The following GAS2L3 variants were observed in gnomAD, a reference collection of about 807,000 sequenced individuals.
The protein encoded by GAS2L3 is growth arrest specific 2 like 3, also known as GAS2-like protein 3.
In GAS2L3, 28 loss-of-function variants were observed where a neutral mutation model predicts 37.0. The observed-to-expected ratio is 0.76, with a 90% CI of 0.56 to 1.04. The LOEUF (loss-of-function observed/expected upper bound fraction) is 1.04. Ranked by LOEUF, GAS2L3 falls within the 50% of genes least tolerant of loss-of-function variation. The probability of loss-of-function intolerance (pLI) is 0.00; values close to 1 mark genes in which losing one functional copy is unlikely to be tolerated. For missense variants in GAS2L3, 793 were observed against 817.6 expected, an observed-to-expected ratio of 0.97 and a Z score of 0.37; for synonymous variants, 290 against 296.6, an observed-to-expected ratio of 0.98 and a Z score of 0.23.
At chr12:100,618,044 A>G (rs943428304) in intron 7 of GAS2L3, among the ~76,000 whole-genome samples, 2 of 152,118 alleles carry the variant, frequency 1.3e-5, no homozygotes, top group Non-Finnish European at 2.9e-5. Context: ...GGTTACTTAA[A>G]TTTTTTAGAT....
chr12:100,579,039 A>C, intron 1 of GAS2L3: 1 of 767,512 alleles, frequency 1.3e-6, no homozygotes, highest in Non-Finnish European at 2.4e-6. Context: ...GTCATGTATA[A>C]CCAGTCTATG....
In GAS2L3 at chr12:100,624,396, A is replaced by G; in HGVS notation, c.1591A>G (p.Thr531Ala). Residue 531 changes from threonine (T) to alanine (A), a missense_variant, in exon 10 of 10, where the codon ACG becomes GCG. Thr to Ala is a moderately conservative substitution (Grantham distance 58). Transcript: ENST00000547754. Reference protein sequence around the residue: ...MTKTSSKTIATGLGTQSQPSD... With the variant: ...MTKTSSKTIAAGLGTQSQPSD... ...AAAAACCAGTTCCAAAACCATAGCC[A>G]CGGGTCTAGGAACACAGTCTCAACC... The G allele has an allele frequency of 6.2e-7, 1 of 1,613,972 alleles. No individual in the cohort carries two copies. The highest frequency in any genetic ancestry group is 8.5e-7 in the Non-Finnish European group (1 of 1,180,002).
intron 1 of GAS2L3, among the ~76,000 whole-genome samples, chr12:100,577,643 T>A (rs1356391145): frequency 1.3e-5 from 2 of 152,244 alleles, no homozygotes; most frequent in East Asian, 3.8e-4. Context: ...TTAACTCTGA[T>A]TTCATAGTGA....
chr12:100,607,382 T>C (rs1205446342), intron 5 of GAS2L3, among the ~76,000 whole-genome samples: 1 of 152,134 alleles, frequency 6.6e-6, no homozygotes, highest in Non-Finnish European at 1.5e-5. Flanking sequence ...TGGGAGTTTA[T>C]TAAATGTCTT....
chr12:100,622,331 GTATT>G lies in GAS2L3; in HGVS notation c.709_712del (p.Ser238LysfsTer6). On this transcript the variant is annotated frameshift_variant, in exon 9 of 10. Coordinates refer to ENST00000547754, the MANE Select transcript of GAS2L3 (RefSeq NM_174942.3). LOFTEE classifies it low-confidence loss of function (END_TRUNC). The stretch of plus-strand genomic sequence containing the variant: ...GTTGTTCTCATCGATTTTCTATTGA[GTATT>G]TATCTGAAGGACGGTACCGACTAGG... 2 of 1,605,042 alleles carry G rather than the reference GTATT, an allele frequency of 1.2e-6. No homozygotes were observed. Among genetic ancestry groups the G allele is most frequent in the Non-Finnish European group, 1.7e-6 (2 of 1,172,652 alleles).
At chr12:100,577,633 T>G (rs2136367108) in intron 1 of GAS2L3, among the ~76,000 whole-genome samples, 1 of 152,360 alleles carries the variant, frequency 6.6e-6, no homozygotes, top group South Asian at 2.1e-4. Context: ...AGTACTAATT[T>G]TAACTCTGAT....
At chr12:100,622,551 T>C (rs1198976040) in intron 9 of GAS2L3, among the ~76,000 whole-genome samples, 169 bp downstream of exon 9, 1 of 121,276 alleles carries the variant, frequency 8.2e-6, no homozygotes, top group Non-Finnish European at 1.7e-5. Context: ...TTCATGAGTA[T>C]ATAATGAGTT....
rs1328128176 is a variant in GAS2L3 at position 100,626,764 on chromosome 12, A to C, written c.*1874A>C. The stretch of plus-strand genomic sequence containing the variant: ...AAGTTTTGTGTTAAATGTGATCAGG[A>C]ATAAAAGTATCCCACAGGCATCTGA... On this transcript the variant is annotated 3_prime_UTR_variant, in exon 10 of 10. Coordinates refer to ENST00000547754, the MANE Select transcript of GAS2L3 (RefSeq NM_174942.3). The C allele has an allele frequency of 6.6e-6, 1 of 152,210 alleles. No individual in the cohort carries two copies. The highest frequency in any genetic ancestry group is 1.5e-5 in the Non-Finnish European group (1 of 68,050). 9.4% of individuals were successfully genotyped at this position (152,210 alleles called of 1,614,324 possible).
intron 1 of GAS2L3, among the ~76,000 whole-genome samples, chr12:100,582,919 G>A (rs1371707844): frequency 6.6e-6 from 1 of 152,174 alleles, no homozygotes; most frequent in South Asian, 2.1e-4. Flanking sequence ...ACAGCCTGCA[G>A]TGTAGCACCT....
intron 1 of GAS2L3, among the ~76,000 whole-genome samples, chr12:100,584,851 C>T (rs892788898): frequency 7.1e-6 from 1 of 141,580 alleles, no homozygotes; most frequent in Non-Finnish European, 1.5e-5. Flanking sequence ...GATTACAGGC[C>T]TAAGCCACTG....
chr12:100,601,731 C>T lies in GAS2L3; in HGVS notation c.281C>T (p.Thr94Ile), dbSNP rs763842506. 4 of 1,585,122 alleles carry T rather than the reference C, an allele frequency of 2.5e-6. No homozygotes were observed. Among genetic ancestry groups the T allele is most frequent in the Non-Finnish European group, 2.6e-6 (3 of 1,157,132 alleles). ...LIDVLQNMVK[T>I]CNSEESGNFP... is the part of the protein sequence containing the mutation. Reference sequence around the variant, plus strand: ...GATGTTCTTCAAAACATGGTGAAAACATGCAACTCTGAAGAATCAGGGGTA... The same window carrying T: ...GATGTTCTTCAAAACATGGTGAAAATATGCAACTCTGAAGAATCAGGGGTA... The change falls in exon 5 of 10, where the codon ACA becomes ATA. Residue 94 changes from threonine to isoleucine, a missense_variant. Thr to Ile is a moderately conservative substitution (Grantham distance 89). Transcript: ENST00000547754.
intron 1 of GAS2L3, among the ~76,000 whole-genome samples, chr12:100,590,630 CA>C (rs1314176943): frequency 6.6e-6 from 1 of 152,168 alleles, no homozygotes; most frequent in Admixed American, 6.5e-5. Context: ...TTTATAGCAG[CA>C]AGATTCACAA....
intron 1 of GAS2L3, among the ~76,000 whole-genome samples, chr12:100,589,679 A>G (rs376516222): frequency 6.6e-6 from 1 of 152,228 alleles, no homozygotes; most frequent in African/African-American, 2.4e-5. Flanking sequence ...AAACTATATT[A>G]TAAGGCCATG....
intron 1 of GAS2L3, chr12:100,579,703 C>T (rs1955685689): frequency 1.3e-5 from 10 of 774,130 alleles, no homozygotes; most frequent in Non-Finnish European, 2.4e-5. Flanking sequence ...ATCATGGAAG[C>T]AGCCAGCTGT....
At chr12:100,621,180 C>A (rs1692312369) in intron 8 of GAS2L3, among the ~76,000 whole-genome samples, 1 of 151,914 alleles carries the variant, frequency 6.6e-6, no homozygotes, top group Admixed American at 6.6e-5. Flanking sequence ...TAATATCATG[C>A]CTAAGTTTAG....
intron 7 of GAS2L3, among the ~76,000 whole-genome samples, chr12:100,618,230 G>A (rs1474813195): frequency 6.6e-6 from 1 of 152,148 alleles, no homozygotes; most frequent in Non-Finnish European, 1.5e-5. Flanking sequence ...AGAATATTGG[G>A]AGCATCCTGC....
At chr12:100,580,218 A>T in intron 1 of GAS2L3, 1 of 634,026 alleles carries the variant, frequency 1.6e-6, no homozygotes, top group South Asian at 2.1e-5. Flanking sequence ...ACATTGTAAG[A>T]TTTTAAACAT....
chr12:100,587,124 T>C (rs1955790898), intron 1 of GAS2L3, among the ~76,000 whole-genome samples: 1 of 152,114 alleles, frequency 6.6e-6, no homozygotes, highest in African/African-American at 2.4e-5. Flanking sequence ...CAAGATAGAT[T>C]CACAACAGAA....
Position 100,618,511 on chromosome 12 carries a change from T to C in GAS2L3, c.572T>C (p.Leu191Ser). 1.2e-6 allele frequency: 2 copies of C among 1,612,854 alleles called. No homozygotes were observed. Among genetic ancestry groups the C allele is most frequent in the East Asian group, 2.2e-5 (1 of 44,788 alleles). ...LEKEIELEETLLNTSGPEDSI... is the reference protein window; with the variant it reads ...LEKEIELEETSLNTSGPEDSI... Reference sequence around the variant, plus strand: ...AAAGAAATTGAGTTAGAAGAGACTTTGCTTAATACTTCTGGGCCTGAAGAT... The same window carrying C: ...AAAGAAATTGAGTTAGAAGAGACTTCGCTTAATACTTCTGGGCCTGAAGAT... The change falls in exon 8 of 10, where the codon TTG becomes TCG. Residue 191 changes from leucine to serine, a missense_variant. By Grantham distance (145) the Leu-to-Ser change is moderately radical. Transcript: ENST00000547754.
Sources: allele counts gnomAD v4.1 joint callset (sites outside exome capture counted in the v4.1 genomes callset), GRCh38; gene constraint gnomAD v4.1.1; transcripts MANE v1.5; gene names NCBI Gene and HGNC (gene_info 2026-07-23, HGNC 2026-07-21).